SLC35F5: variants seen among roughly 807,000 people sequenced by gnomAD.
SLC35F5 encodes HCV NS5A-transactivated protein 3.
In SLC35F5, 54 loss-of-function variants were observed where a neutral mutation model predicts 68.6. That is an observed-to-expected ratio of 0.79 (90% CI 0.63 to 0.99). The LOEUF (loss-of-function observed/expected upper bound fraction) is 0.99. SLC35F5 is among the 50% of genes least tolerant of loss of function. The probability of loss-of-function intolerance (pLI) is 0.00; values close to 1 mark genes in which losing one functional copy is unlikely to be tolerated. For synonymous variants in SLC35F5, 211 were observed against 205.2 expected (o/e 1.03, Z -0.24); for missense variants, 567 against 626.9 (o/e 0.90, Z 1.02).
chr2:113,755,921 T>C (rs1180686444), intron 1 of SLC35F5: 5 of 1,550,590 alleles, frequency 3.2e-6, no homozygotes, highest in Non-Finnish European at 4.4e-6. Flanking sequence ...GTGTCTTTTC[T>C]GTCCCTGATC....
At chr2:113,742,530 A>T in intron 7 of SLC35F5, 162 bp downstream of exon 7, 1 of 660,746 alleles carries the variant, frequency 1.5e-6, no homozygotes, top group Non-Finnish European at 2.6e-6. Flanking sequence ...AGCATTTATT[A>T]ATTTTGATAC....
chr2:113,719,367 C>A, intron 13 of SLC35F5, 59 bp from the exon 14 acceptor site: 3 of 1,450,686 alleles, frequency 2.1e-6, no homozygotes, highest in South Asian at 2.9e-5. Flanking sequence ...GCAATTTTCC[C>A]CTTCAATGTA....
chr2:113,753,026 A>T (rs1180587560), intron 3 of SLC35F5, among the ~76,000 whole-genome samples: 1 of 152,110 alleles, frequency 6.6e-6, no homozygotes, highest in Non-Finnish European at 1.5e-5. Context: ...AAGGTTGGCA[A>T]ATTTGGTTAA....
chr2:113,748,049 G>A (rs528487052), intron 4 of SLC35F5, among the ~76,000 whole-genome samples: 34 of 152,234 alleles, frequency 2.2e-4, no homozygotes, highest in African/African-American at 7.9e-4. Flanking sequence ...CTGAGATCGC[G>A]CCACTGCACT....
intron 4 of SLC35F5, among the ~76,000 whole-genome samples, chr2:113,747,993 G>A (rs939109265): frequency 6.6e-6 from 1 of 152,058 alleles, no homozygotes. Flanking sequence ...TTAGGAGGCT[G>A]AGGCAGGAGA....
intron 5 of SLC35F5, among the ~76,000 whole-genome samples, chr2:113,745,268 G>A (rs1676442509): frequency 6.6e-6 from 1 of 151,142 alleles, no homozygotes; most frequent in South Asian, 2.1e-4. Flanking sequence ...AAGATCCCAG[G>A]AAAAAAAAAT....
Position 113,723,210 on chromosome 2 carries a change from T to C in SLC35F5, c.1251-16A>G, listed in dbSNP as rs1367780509. On this transcript the variant is annotated splice_polypyrimidine_tract_variant and intron_variant, in intron 12 of 15. Transcript: ENST00000245680. The stretch of plus-strand genomic sequence containing the variant: ...AAAGCAGCCCCTAAAAAAAAGAAAA[T>C]ATACATTTCTATATTTAAAAAATTA... 5.2e-6 allele frequency: 8 copies of C among 1,527,884 alleles called. No homozygotes were observed. The highest frequency in any genetic ancestry group is 7.0e-6 in the Non-Finnish European group (8 of 1,136,494). 94.6% of individuals were successfully genotyped at this position (1,527,884 alleles called of 1,614,324 possible).
At chr2:113,727,705 C>T (rs950890524) in intron 11 of SLC35F5, among the ~76,000 whole-genome samples, 2 of 152,314 alleles carry the variant, frequency 1.3e-5, no homozygotes, top group Non-Finnish European at 2.9e-5. Flanking sequence ...GAGCCCCCAA[C>T]ATCCCAATCC....
intron 11 of SLC35F5, among the ~76,000 whole-genome samples, chr2:113,727,703 A>G (rs2104427217): frequency 6.6e-6 from 1 of 152,242 alleles, no homozygotes; most frequent in East Asian, 1.9e-4. Context: ...AAGAGCCCCC[A>G]ACATCCCAAT....
In SLC35F5 at chr2:113,713,318, C is replaced by G. The variant is rs1358836111; in HGVS notation, c.*1900G>C. On this transcript the variant is annotated 3_prime_UTR_variant, in exon 16 of 16. Transcript: ENST00000245680. ...ACTACGGCTTAGTACTTCCAGAATCCTGAGTAACAACACATGACCTGTGTG... is the reference window on the plus strand; with the variant it reads ...ACTACGGCTTAGTACTTCCAGAATCGTGAGTAACAACACATGACCTGTGTG... 7 of 152,102 alleles carry G rather than the reference C, an allele frequency of 4.6e-5. No individual in the cohort carries two copies. Among genetic ancestry groups the G allele is most frequent in the Non-Finnish European group, 1.0e-4 (7 of 68,010 alleles). The allele number at this position is 152,102 out of a possible 1,614,324, so 9.4% of individuals were successfully genotyped here. A position where few individuals can be genotyped will look rare whatever the true frequency, so the allele number is the denominator to read the frequency against.
At chr2:113,745,522 A>G (rs1676450452) in intron 5 of SLC35F5, among the ~76,000 whole-genome samples, 1 of 152,180 alleles carries the variant, frequency 6.6e-6, no homozygotes, top group Admixed American at 6.6e-5. Context: ...TGTTCCTAAA[A>G]AGTAAAAATA....
At chr2:113,735,699 G>A in intron 8 of SLC35F5, 78 bp downstream of exon 8, 2 of 883,644 alleles carry the variant, frequency 2.3e-6, no homozygotes, top group Admixed American at 2.7e-5. Flanking sequence ...AGATAAAAAT[G>A]TTGTACATGT....
chr2:113,714,866 G>C lies in SLC35F5; in HGVS notation c.*352C>G, dbSNP rs1427263423. ...GAAAACATTTTCATAATATATTCCA[G>C]CATTTAACATGTGAAAATAAAGTCC... is the stretch of plus-strand genomic sequence containing the variant. On this transcript the variant is annotated 3_prime_UTR_variant, in exon 16 of 16. Coordinates refer to ENST00000245680, the MANE Select transcript of SLC35F5 (RefSeq NM_025181.5). The C allele has an allele frequency of 6.6e-6, 1 of 152,518 alleles. No individual in the cohort carries two copies. The highest frequency in any genetic ancestry group is 1.5e-5 in the Non-Finnish European group (1 of 67,972). The allele number at this position is 152,518 out of a possible 1,614,324, so 9.4% of individuals were successfully genotyped here. A position where few individuals can be genotyped will look rare whatever the true frequency, so the allele number is the denominator to read the frequency against.
chr2:113,754,753 T>C (rs541908869), intron 3 of SLC35F5, among the ~76,000 whole-genome samples: 1 of 152,324 alleles, frequency 6.6e-6, no homozygotes, highest in South Asian at 2.1e-4. Context: ...CAGTGACCTA[T>C]ACATGAAAAC....
intron 12 of SLC35F5, among the ~76,000 whole-genome samples, chr2:113,724,804 A>G (rs1405636561): frequency 6.6e-6 from 1 of 152,202 alleles, no homozygotes. Context: ...TCTTCATACT[A>G]TTTTAAGTTT....
At chr2:113,756,175 G>C in intron 1 of SLC35F5, 195 bp downstream of exon 1, 2 of 1,460,982 alleles carry the variant, frequency 1.4e-6, no homozygotes, top group Non-Finnish European at 1.8e-6. Context: ...GCGCACGCAC[G>C]GCTTCCTCAA....
At chr2:113,756,284 A>T in intron 1 of SLC35F5, 86 bp downstream of exon 1, 3 of 1,545,366 alleles carry the variant, frequency 1.9e-6, no homozygotes, top group Non-Finnish European at 2.6e-6. Context: ...TCCTGCTGCC[A>T]CCGAGGGCAG....
At chr2:113,739,883 T>C (rs1688225344) in intron 7 of SLC35F5, among the ~76,000 whole-genome samples, 1 of 152,236 alleles carries the variant, frequency 6.6e-6, no homozygotes, top group Non-Finnish European at 1.5e-5. Flanking sequence ...GTATGTTGTA[T>C]GTATTGTATA....
chr2:113,717,595 G>A, intron 15 of SLC35F5, 158 bp downstream of exon 15: 1 of 516,698 alleles, frequency 1.9e-6, no homozygotes, highest in Non-Finnish European at 3.4e-6. Context: ...GGGCCACACA[G>A]CTAGTATGTG....
Sources: allele counts gnomAD v4.1 joint callset (sites outside exome capture counted in the v4.1 genomes callset), GRCh38; gene constraint gnomAD v4.1.1; transcripts MANE v1.5; gene names NCBI Gene and HGNC (gene_info 2026-07-23, HGNC 2026-07-21).